RALGPS2: variants seen among roughly 807,000 people sequenced by gnomAD.
RALGPS2 encodes Ral GEF with PH domain and SH3 binding motif 2, also known as ras-specific guanine nucleotide-releasing factor RalGPS2.
RALGPS2 carries 43 observed loss-of-function variants against 86.8 expected under a neutral mutation model. The observed-to-expected ratio is 0.50, with a 90% CI of 0.39 to 0.64. The LOEUF is 0.64. RALGPS2 is among the 30% of genes least tolerant of loss of function. The pLI is 0.00. For missense variants in RALGPS2, 536 were observed against 694.6 expected (o/e 0.77, Z 2.57); for synonymous variants, 243 against 231.3 (o/e 1.05, Z -0.46).
At chr1:178,832,901 G>T (rs1460612963) in intron 7 of RALGPS2, among the ~76,000 whole-genome samples, 1 of 151,222 alleles carries the variant, frequency 6.6e-6, no homozygotes, top group African/African-American at 2.4e-5. Context: ...ATATAGCACT[G>T]ATCAAAGAGA....
intron 4 of RALGPS2, among the ~76,000 whole-genome samples, chr1:178,794,707 C>T (rs1177777210): frequency 1.3e-5 from 2 of 152,114 alleles, no homozygotes; most frequent in African/African-American, 4.8e-5. Context: ...GTTTGCAGTG[C>T]GGTTTTCTTT....
At chr1:178,734,784 G>A (rs766912387) in intron 1 of RALGPS2, among the ~76,000 whole-genome samples, 2 of 151,966 alleles carry the variant, frequency 1.3e-5, no homozygotes, top group Non-Finnish European at 2.9e-5. Context: ...GGGAGAGGGA[G>A]AGAAAAAAGG....
In RALGPS2 at chr1:178,906,703, T is replaced by C. The variant is rs1192435617; in HGVS notation, c.1631-73T>C. ...ACTCTAGTCATGTTTAATTTGCTCA[T>C]TATTATCTGGCAGAATTATTATGTG... is the stretch of plus-strand genomic sequence containing the variant. On this transcript the variant is annotated intron_variant, in intron 18 of 19. Coordinates refer to ENST00000367635, the MANE Select transcript of RALGPS2 (RefSeq NM_152663.5). The C allele has an allele frequency of 8.9e-6, 11 of 1,231,506 alleles. No individual in the cohort carries two copies. The African/African-American group carries it at 1.7e-4, about 19-fold the overall frequency. 76.3% of individuals were successfully genotyped at this position (1,231,506 alleles called of 1,614,324 possible).
At chr1:178,826,118 G>A (rs1257288742) in intron 7 of RALGPS2, among the ~76,000 whole-genome samples, 1 of 152,098 alleles carries the variant, frequency 6.6e-6, no homozygotes, top group Non-Finnish European at 1.5e-5. Flanking sequence ...GTTTTGTTTT[G>A]TTTTAACCGA....
At chr1:178,843,375 T>C (rs1260395189) in intron 8 of RALGPS2, among the ~76,000 whole-genome samples, 4 of 148,304 alleles carry the variant, frequency 2.7e-5, no homozygotes, top group African/African-American at 1.0e-4. Context: ...AAATTGGAAA[T>C]CATCATTCTC....
intron 8 of RALGPS2, among the ~76,000 whole-genome samples, chr1:178,863,003 C>A (rs1220750683): frequency 6.6e-6 from 1 of 152,168 alleles, no homozygotes; most frequent in East Asian, 1.9e-4. Flanking sequence ...AAGCACTCTT[C>A]AATTGTTAAA....
intron 16 of RALGPS2, 56 bp downstream of exon 16, chr1:178,894,080 A>T: frequency 1.9e-6 from 2 of 1,044,708 alleles, no homozygotes; most frequent in Non-Finnish European, 2.8e-6. Context: ...CAAATTTATA[A>T]GACTCTGTAA....
Position 178,824,747 on chromosome 1 carries a change from T to G in RALGPS2, c.480+3043T>G, listed in dbSNP as rs376432475. 7.2e-5 allele frequency among the ~76,000 whole-genome samples: 11 copies of G among 151,932 alleles called. No homozygotes were observed. In the East Asian group the frequency reaches 1.5e-3, roughly 21 times the overall value. ...TGGCGTGAACCCAGGAGGCGGAGCT[T>G]GCAGTGAGCCGAGATCGCGCTACTG... On this transcript the variant is annotated intron_variant, in intron 7 of 19. Coordinates refer to ENST00000367635, the MANE Select transcript of RALGPS2 (RefSeq NM_152663.5).
chr1:178,872,545 G>A (rs1658816466), intron 8 of RALGPS2, among the ~76,000 whole-genome samples: 1 of 152,138 alleles, frequency 6.6e-6, no homozygotes, highest in South Asian at 2.1e-4. Flanking sequence ...CAGGAAAAAA[G>A]AGCCATTTAG....
chr1:178,750,722 C>T (rs1651604284), intron 1 of RALGPS2, among the ~76,000 whole-genome samples: 1 of 152,170 alleles, frequency 6.6e-6, no homozygotes, highest in African/African-American at 2.4e-5. Flanking sequence ...CTTCTTATTG[C>T]TCCTTCTGCA....
chr1:178,892,307 G>A lies in RALGPS2; in HGVS notation c.1325G>A (p.Ser442Asn), dbSNP rs747194398. 2.5e-6 allele frequency: 4 copies of A among 1,612,152 alleles called. No homozygotes were observed. Among genetic ancestry groups the A allele is most frequent in the South Asian group, 1.1e-5 (1 of 91,036 alleles). The part of the protein sequence containing the change: ...NGYRSHMKAS[S>N]SAESEDLAVH... Reference sequence around the variant, plus strand: ...TATCGAAGTCACATGAAGGCCAGCAGGTACAATTCCCCTGCATTCAGGGGT... The same window carrying A: ...TATCGAAGTCACATGAAGGCCAGCAAGTACAATTCCCCTGCATTCAGGGGT... The change falls in exon 15 of 20, where the codon AGT becomes AAT. Residue 442 changes from serine to asparagine, a missense_variant and splice_region_variant. By Grantham distance (46) the Ser-to-Asn change is conservative. This residue lies in a region of RALGPS2 where 309 missense variants were observed against 363.0 expected (regional missense o/e 0.85). Coordinates refer to ENST00000367635, the MANE Select transcript of RALGPS2 (RefSeq NM_152663.5).
intron 8 of RALGPS2, chr1:178,865,665 G>A (rs540728063): frequency 3.7e-6 from 6 of 1,614,026 alleles, no homozygotes; most frequent in South Asian, 1.1e-5. Context: ...TCTGTGGCAC[G>A]AGGGTATCTT....
At chr1:178,765,914 C>T (rs1360060189) in intron 1 of RALGPS2, among the ~76,000 whole-genome samples, 1 of 152,230 alleles carries the variant, frequency 6.6e-6, no homozygotes, top group Admixed American at 6.5e-5. Context: ...GTTCCCTGAA[C>T]ATCGCTGTTA....
intron 13 of RALGPS2, among the ~76,000 whole-genome samples, chr1:178,886,603 C>T (rs1010835051): frequency 6.6e-6 from 1 of 151,838 alleles, no homozygotes; most frequent in Non-Finnish European, 1.5e-5. Flanking sequence ...ATCTGGAGCT[C>T]GGGGATAAGG....
At chr1:178,747,641 T>C in intron 1 of RALGPS2, 2 of 1,555,266 alleles carry the variant, frequency 1.3e-6, no homozygotes, top group Non-Finnish European at 1.8e-6. Flanking sequence ...CTGGCATTAA[T>C]ATAATCATTC....
At chr1:178,874,456 G>A (rs562394012) in intron 8 of RALGPS2, among the ~76,000 whole-genome samples, 2 of 152,092 alleles carry the variant, frequency 1.3e-5, no homozygotes, top group East Asian at 1.9e-4. Context: ...GACTACAGGC[G>A]AGTTGTCATC....
At position 178,789,336 on chromosome 1, in the gene RALGPS2, G is replaced by A. The variant is rs542463095; in HGVS notation, c.213+3729G>A. 3.5e-4 allele frequency among the ~76,000 whole-genome samples: 54 copies of A among 152,338 alleles called. 1 individual carries two copies. The South Asian group carries it at 0.011, about 30-fold the overall frequency. ...GGTGGCTTAGATCAGGGTGGGAATGGAAGAGATAAATGAGAAGTTGCCAGA... is the reference window on the plus strand; with the variant it reads ...GGTGGCTTAGATCAGGGTGGGAATGAAAGAGATAAATGAGAAGTTGCCAGA... On this transcript the variant is annotated intron_variant, in intron 4 of 19. Coordinates refer to ENST00000367635, the MANE Select transcript of RALGPS2 (RefSeq NM_152663.5).
In RALGPS2 at chr1:178,886,055, T is replaced by G. The variant is rs1415988718; in HGVS notation, c.1127T>G (p.Met376Arg). 6.2e-7 allele frequency: 1 copy of G among 1,613,860 alleles called. No homozygotes were observed. The highest frequency in any genetic ancestry group is 2.2e-5 in the East Asian group (1 of 44,866). Reference protein sequence around the residue: ...GPRHLLDDSVMEPHAPSRGQA... With the variant: ...GPRHLLDDSVREPHAPSRGQA... Reference sequence around the variant, plus strand: ...AGACATCTGTTAGATGATAGCGTCATGGAGCCCCATGCGCCATCTCGAGGC... The same window carrying G: ...AGACATCTGTTAGATGATAGCGTCAGGGAGCCCCATGCGCCATCTCGAGGC... The change falls in exon 13 of 20, where the codon ATG (methionine) becomes AGG (arginine). Residue 376 changes from methionine to arginine, a missense_variant. Met to Arg is a moderately conservative substitution (Grantham distance 91). Around this residue, in one of 3 missense-constraint regions of RALGPS2, gnomAD observed 309 missense variants for 363.0 expected, o/e 0.85. Coordinates refer to ENST00000367635, the MANE Select transcript of RALGPS2 (RefSeq NM_152663.5).
chr1:178,734,924 T>C (rs1650587006), intron 1 of RALGPS2, among the ~76,000 whole-genome samples: 1 of 152,204 alleles, frequency 6.6e-6, no homozygotes, highest in Non-Finnish European at 1.5e-5. Flanking sequence ...TTTTTCTTTA[T>C]TATTTTCTGG....
Sources: gnomAD v4.1 joint callset for allele counts (sites outside exome capture counted in the v4.1 genomes callset) on GRCh38, gnomAD v4.1.1 for gene constraint, gnomAD v4.1.1 regional missense constraint, MANE v1.5 for transcripts, NCBI Gene and HGNC (gene_info 2026-07-23, HGNC 2026-07-21) for gene names.